EEF2K: variants seen among roughly 807,000 people sequenced by gnomAD.
EEF2K encodes the protein alternative protein EEF2K.
EEF2K carries 70 observed loss-of-function variants against 93.8 expected under a neutral mutation model. The ratio of observed to expected loss-of-function variants is 0.75; its 90% CI spans 0.62 to 0.91. The LOEUF (loss-of-function observed/expected upper bound fraction) is 0.91, where lower values mean the gene tolerates loss of function less well. Among genes scored for constraint, EEF2K ranks in the 40% least tolerant of loss-of-function variants. The pLI is 0.00. For missense variants in EEF2K, 935 were observed against 972.9 expected, an observed-to-expected ratio of 0.96 and a Z score of 0.52; for synonymous variants, 376 against 380.8, an observed-to-expected ratio of 0.99 and a Z score of 0.15.
At chr16:22,241,473 C>T (rs1441545873) in intron 2 of EEF2K, among the ~76,000 whole-genome samples, 2 of 150,922 alleles carry the variant, frequency 1.3e-5, no homozygotes, top group Non-Finnish European at 3.0e-5. Context: ...GGTGAAACCC[C>T]GTCTCTACTA....
chr16:22,270,399 A>G (rs1277999887), intron 15 of EEF2K, among the ~76,000 whole-genome samples: 2 of 152,014 alleles, frequency 1.3e-5, no homozygotes, highest in East Asian at 3.9e-4. Context: ...TGCTAGGATT[A>G]CAGGTATGAG....
chr16:22,258,433 A>C, intron 9 of EEF2K, 61 bp from the exon 10 acceptor site: 6 of 1,557,066 alleles, frequency 3.9e-6, no homozygotes, highest in Non-Finnish European at 3.5e-6. Context: ...AACAACAGGA[A>C]GAGCCCTTTA....
intron 2 of EEF2K, among the ~76,000 whole-genome samples, chr16:22,226,514 C>CTT (rs1393099761): frequency 4.9e-4 from 41 of 84,500 alleles, no homozygotes; most frequent in African/African-American, 2.3e-3. Context: ...TTTCCTTCTT[C>CTT]TTCTTTTTTT....
At chr16:22,267,595 CA>C (rs879136725) in intron 15 of EEF2K, among the ~76,000 whole-genome samples, 232 of 132,550 alleles carry the variant, frequency 1.8e-3, no homozygotes, top group Non-Finnish European at 1.7e-3. Context: ...ATCCTGTCTC[CA>C]AAAAAAAAAA....
chr16:22,234,877 CTTTTTTTTT>C (rs1173052779), intron 2 of EEF2K, among the ~76,000 whole-genome samples: 1 of 90,628 alleles, frequency 1.1e-5, no homozygotes, highest in Admixed American at 1.3e-4. Context: ...TTTTTTGTTG[CTTTTTTTTT>C]TTTTTTTTTT....
chr16:22,280,179 C>G lies in EEF2K; in HGVS notation c.1890-19C>G, dbSNP rs2047678348. The G allele has an allele frequency of 5.5e-6, 8 of 1,452,684 alleles. No homozygotes were observed. The East Asian group carries it at 1.6e-4, about 29-fold the overall frequency. 90.0% of individuals were successfully genotyped at this position (1,452,684 alleles called of 1,614,324 possible). A position where few individuals can be genotyped will look rare whatever the true frequency, so the allele number is the denominator to read the frequency against. ...TTGCCATGGTAACCTCCACCTTTCC[C>G]TCTGTATCTCCTGGCAAGGTGCCAA... On this transcript the variant is annotated intron_variant, in intron 16 of 17. Coordinates refer to ENST00000263026, the MANE Select transcript of EEF2K (RefSeq NM_013302.5).
chr16:22,277,060 C>T (rs1040013729), intron 16 of EEF2K, among the ~76,000 whole-genome samples: 1 of 141,000 alleles, frequency 7.1e-6, no homozygotes, highest in African/African-American at 2.9e-5. Context: ...CATGAAATGC[C>T]GTCTTAAAAC....
At chr16:22,264,742 C>CT in intron 12 of EEF2K, 76 bp from the exon 13 acceptor site, 2 of 1,560,496 alleles carry the variant, frequency 1.3e-6, no homozygotes, top group Non-Finnish European at 1.8e-6. Context: ...GGGAGGAGGG[C>CT]TGGACCAGCT....
At chr16:22,208,140 T>TA (rs1485312151) in intron 1 of EEF2K, among the ~76,000 whole-genome samples, 1 of 152,212 alleles carries the variant, frequency 6.6e-6, no homozygotes, top group African/African-American at 2.4e-5. Context: ...CCGAAGTTCT[T>TA]ATCCTCTGCA....
At chr16:22,250,858 G>C (rs2047342996) in intron 5 of EEF2K, among the ~76,000 whole-genome samples, 167 bp downstream of exon 5, 3 of 152,176 alleles carry the variant, frequency 2.0e-5, no homozygotes, top group Non-Finnish European at 4.4e-5. Context: ...CATTGGGCCT[G>C]GCTGTGACGA....
intron 1 of EEF2K, among the ~76,000 whole-genome samples, chr16:22,217,619 A>T (rs2046971467): frequency 1.3e-5 from 2 of 151,994 alleles, no homozygotes; most frequent in Admixed American, 6.6e-5. Context: ...TGCCCCGCTA[A>T]TTTTTGTATT....
intron 11 of EEF2K, among the ~76,000 whole-genome samples, chr16:22,261,646 C>T (rs2047463531): frequency 6.7e-6 from 1 of 149,514 alleles, no homozygotes; most frequent in Non-Finnish European, 1.5e-5. Context: ...GCAGAGGTCG[C>T]ACCACTGCAC....
chr16:22,210,137 C>T (rs2046901892), intron 1 of EEF2K, among the ~76,000 whole-genome samples: 2 of 152,146 alleles, frequency 1.3e-5, no homozygotes, highest in African/African-American at 4.8e-5. Context: ...CACTAACACG[C>T]TGATGATAAA....
chr16:22,277,285 C>T (rs971529867), intron 16 of EEF2K, among the ~76,000 whole-genome samples: 2 of 152,118 alleles, frequency 1.3e-5, no homozygotes, highest in South Asian at 2.1e-4. Context: ...CATAGCCATG[C>T]ACCACCATAC....
intron 1 of EEF2K, among the ~76,000 whole-genome samples, chr16:22,207,509 T>A (rs979675606): frequency 6.6e-6 from 1 of 152,160 alleles, no homozygotes; most frequent in Non-Finnish European, 1.5e-5. Flanking sequence ...AGTATTAGTA[T>A]CTACCACTTA....
intron 1 of EEF2K, among the ~76,000 whole-genome samples, chr16:22,217,603 C>A (rs1276646966): frequency 6.6e-6 from 1 of 152,080 alleles, no homozygotes; most frequent in Non-Finnish European, 1.5e-5. Context: ...CCGGCTCGTG[C>A]CACCATGCCC....
chr16:22,237,411 G>A (rs535081244), intron 2 of EEF2K, among the ~76,000 whole-genome samples: 1 of 152,028 alleles, frequency 6.6e-6, no homozygotes, highest in Non-Finnish European at 1.5e-5. Context: ...GCCAAGACAG[G>A]TGGATCACTT....
At chr16:22,223,260 C>G (rs993116255) in intron 1 of EEF2K, among the ~76,000 whole-genome samples, 1 of 129,466 alleles carries the variant, frequency 7.7e-6, no homozygotes, top group Admixed American at 7.5e-5. Flanking sequence ...TTGTTTTTTT[C>G]TGTTTTTTTT....
rs2047349519 is a variant in EEF2K at position 22,251,310 on chromosome 16, G to GC, written c.612dup (p.Lys205GlnfsTer45). ...GGGGGGAGGAGTATAATCGGCACAA[G>GC]CCCCCCAAGCAGGTGCGTGGCCCCA... is the stretch of plus-strand genomic sequence containing the variant. On this transcript the variant is annotated frameshift_variant, in exon 6 of 18. Transcript: ENST00000263026. LOFTEE classifies it high-confidence loss of function. The GC allele has an allele frequency of 3.7e-6, 6 of 1,613,982 alleles. No individual in the cohort carries two copies. The highest frequency in any genetic ancestry group is 1.7e-4 in the Middle Eastern group (1 of 6,056).
Sources: gnomAD v4.1 joint callset for allele counts (sites outside exome capture counted in the v4.1 genomes callset) on GRCh38, gnomAD v4.1.1 for gene constraint, MANE v1.5 for transcripts, NCBI Gene and HGNC (gene_info 2026-07-23, HGNC 2026-07-21) for gene names.